Variants in LLGL2 observed in about 807,000 individuals in gnomAD.
The protein encoded by LLGL2 is LLGL2, scribble cell polarity complex component.
Under a neutral mutation model 123.2 loss-of-function variants are expected in LLGL2, and 81 were observed. The ratio of observed to expected loss-of-function variants is 0.66; its 90% confidence interval spans 0.55 to 0.79. The LOEUF (loss-of-function observed/expected upper bound fraction) is 0.79. LLGL2 is among the 30% of genes least tolerant of loss of function. LLGL2 has a pLI of 0.00. For missense variants in LLGL2, 1,273 were observed against 1,414.6 expected (o/e 0.90, Z 1.61); for synonymous variants, 577 against 594.1 (o/e 0.97, Z 0.42).
intron 10 of LLGL2, among the ~76,000 whole-genome samples, chr17:75,565,375 G>T (rs1413917997): frequency 6.6e-6 from 1 of 152,232 alleles, no homozygotes; most frequent in African/African-American, 2.4e-5. Flanking sequence ...AGGTGAGGGG[G>T]CGGGGCTGTT....
In LLGL2 at chr17:75,568,530, T is replaced by C. The variant is rs761140435; in HGVS notation, c.1091T>C (p.Ile364Thr). ...VVLAEEELVV[I>T]DLQTAGWPPV... ...CTGGCTGAGGAGGAGCTGGTGGTGA[T>C]TGACCTGCAGACAGCAGGCTGGCCA... Residue 364 changes from isoleucine (I) to threonine (T), a missense_variant, in exon 11 of 26, where the codon ATT becomes ACT. Physicochemically the swap from Ile to Thr is moderately conservative, Grantham distance 89. Transcript: ENST00000392550. 2.5e-6 allele frequency: 4 copies of C among 1,613,632 alleles called. No homozygotes were observed. The highest frequency in any genetic ancestry group is 2.2e-5 in the South Asian group (2 of 91,086).
At chr17:75,563,209 A>G (rs1054077535) in intron 7 of LLGL2, 31 bp downstream of exon 7, 1 of 1,611,294 alleles carries the variant, frequency 6.2e-7, no homozygotes, top group Non-Finnish European at 8.5e-7. Flanking sequence ...GGCAGGCGCC[A>G]TGTTGCTCTC....
rs757246505 is a variant in LLGL2 at position 75,570,092 on chromosome 17, G to A, written c.1711G>A (p.Val571Met). The change falls in exon 15 of 26, where the codon GTG becomes ATG. Residue 571 changes from valine to methionine, a missense_variant. Coordinates refer to ENST00000392550, the MANE Select transcript of LLGL2 (RefSeq NM_001031803.2). ...GCGCCTGGCAGCCCGCTCAGGGCCC[G>A]TGCGCTTTGAGCCTGGCTTTCAGCC... ...HERLAARSGP[V>M]RFEPGFQPFV... 2.7e-5 allele frequency: 43 copies of A among 1,609,984 alleles called. No homozygotes were observed. The highest frequency in any genetic ancestry group is 4.5e-5 in the East Asian group (2 of 44,776).
chr17:75,568,878 GAT>G, intron 12 of LLGL2, 39 bp downstream of exon 12: 1 of 1,564,522 alleles, frequency 6.4e-7, no homozygotes, highest in Non-Finnish European at 8.7e-7. Context: ...TTCCCAGTAG[GAT>G]ATGTGGGGTG....
intron 1 of LLGL2, among the ~76,000 whole-genome samples, chr17:75,542,451 C>T (rs542986071): frequency 6.6e-6 from 1 of 152,124 alleles, no homozygotes; most frequent in East Asian, 1.9e-4. Flanking sequence ...CAAGGACGGG[C>T]CTTGCTGTCC....
At chr17:75,556,351 G>A (rs984913336) in intron 3 of LLGL2, among the ~76,000 whole-genome samples, 3 of 152,192 alleles carry the variant, frequency 2.0e-5, no homozygotes, top group African/African-American at 7.2e-5. Context: ...CATCCCTGGT[G>A]GGATGCGACC....
chr17:75,572,621 T>G (rs2147578203), intron 19 of LLGL2, among the ~76,000 whole-genome samples: 1 of 142,460 alleles, frequency 7.0e-6, no homozygotes, highest in Admixed American at 7.3e-5. Flanking sequence ...GCCGAGATTG[T>G]GCCACTGCCC....
chr17:75,536,864 G>T (rs950584618), intron 1 of LLGL2, among the ~76,000 whole-genome samples: 3 of 152,072 alleles, frequency 2.0e-5, no homozygotes, highest in African/African-American at 7.2e-5. Context: ...GTCTTTCTCT[G>T]TCACCCAGGC....
intron 2 of LLGL2, among the ~76,000 whole-genome samples, 184 bp from the exon 3 acceptor site, chr17:75,555,862 C>T (rs2054887090): frequency 6.6e-6 from 1 of 151,726 alleles, no homozygotes; most frequent in Non-Finnish European, 1.5e-5. Context: ...GGCAGAGTCA[C>T]AAAGGGACAG....
At chr17:75,555,355 C>G (rs938820024) in intron 2 of LLGL2, among the ~76,000 whole-genome samples, 2 of 149,206 alleles carry the variant, frequency 1.3e-5, no homozygotes, top group East Asian at 4.0e-4. Flanking sequence ...CTGCCGGGTT[C>G]GCACCATTCT....
In LLGL2 at chr17:75,574,973, C is replaced by G. The variant is rs2055907964; in HGVS notation, c.*95C>G. 1 of 1,573,424 alleles carries G rather than the reference C, an allele frequency of 6.4e-7. No individual in the cohort carries two copies. ...AACCGGAGAGGCCGGTGCACAGGGC[C>G]CCGCCAGGGGCTGGGGGCATCCCGG... On this transcript the variant is annotated 3_prime_UTR_variant, in exon 26 of 26. Transcript: ENST00000392550.
At chr17:75,574,536 C>G in intron 24 of LLGL2, 41 bp downstream of exon 24, 2 of 1,583,204 alleles carry the variant, frequency 1.3e-6, no homozygotes, top group Non-Finnish European at 1.7e-6. Flanking sequence ...GCCCGAGGCT[C>G]TGCCAGAGGG....
At chr17:75,540,595 G>A (rs992786953) in intron 1 of LLGL2, among the ~76,000 whole-genome samples, 1 of 152,236 alleles carries the variant, frequency 6.6e-6, no homozygotes, top group Admixed American at 6.5e-5. Flanking sequence ...CTGGGAGCGT[G>A]TCTGTGCGTG....
chr17:75,541,715 C>CTTTTTTTTTTTTTTTTTTTTT lies in LLGL2; in HGVS notation c.-30-1671_-30-1651dup. Reference sequence around the variant, plus strand: ...TTCACTCAAGGGGGATGTGGCTCTGCTTTTTTTTTTTTTTTTTTTTTTTTT... The same window carrying CTTTTTTTTTTTTTTTTTTTTT: ...TTCACTCAAGGGGGATGTGGCTCTGCTTTTTTTTTTTTTTTTTTTTTTTTTTTTTTTTTTTTTTTTTTTTTT... On this transcript the variant is annotated intron_variant, in intron 1 of 25. Coordinates refer to ENST00000392550, the MANE Select transcript of LLGL2 (RefSeq NM_001031803.2). Among the ~76,000 whole-genome samples the CTTTTTTTTTTTTTTTTTTTTT allele has an allele frequency of 6.3e-5, 2 of 31,544 alleles. 1 individual carries two copies. The allele number at this position is 31,544 out of a possible 152,430, so 20.7% of individuals were successfully genotyped here.
At chr17:75,557,995 T>TCCTC in intron 3 of LLGL2, 160 bp from the exon 4 acceptor site, 1 of 769,122 alleles carries the variant, frequency 1.3e-6, no homozygotes, top group South Asian at 1.4e-5. Flanking sequence ...CTGCTGTGTC[T>TCCTC]CCTCCCCACC....
At position 75,549,572 on chromosome 17, in the gene LLGL2, C is replaced by CA. The variant is rs1230623743; in HGVS notation, c.75+6072dup. On this transcript the variant is annotated intron_variant, in intron 2 of 25. Coordinates refer to ENST00000392550, the MANE Select transcript of LLGL2 (RefSeq NM_001031803.2). The surrounding 1 kb of genome is among the most constrained non-coding windows in gnomAD (Gnocchi z 4.0). The stretch of plus-strand genomic sequence containing the variant: ...TGGCTGGGCCCCTGGTGTCAGGTGA[C>CA]AGCAGCCACACAGGGAGGGCCAGGC... Among the ~76,000 whole-genome samples, 4 of 152,184 alleles carry CA rather than the reference C, an allele frequency of 2.6e-5. No individual in the cohort carries two copies. The highest frequency in any genetic ancestry group is 9.7e-5 in the African/African-American group (4 of 41,432).
chr17:75,557,924 G>A (rs1198613167), intron 3 of LLGL2: 13 of 596,794 alleles, frequency 2.2e-5, no homozygotes, highest in African/African-American at 3.8e-5. Context: ...TGCTCCCACC[G>A]GCCTGACTGG....
intron 12 of LLGL2, 47 bp from the exon 13 acceptor site, chr17:75,568,931 C>G: frequency 6.3e-7 from 1 of 1,586,492 alleles, no homozygotes. Flanking sequence ...CCCTGGGCAT[C>G]CCGGCTGGCA....
intron 14 of LLGL2, 53 bp downstream of exon 14, chr17:75,569,378 G>A: frequency 1.4e-6 from 2 of 1,406,500 alleles, no homozygotes; most frequent in South Asian, 1.2e-5. Flanking sequence ...CGATGACTGG[G>A]GACAGCAGGG....
Sources: allele counts gnomAD v4.1 joint callset (sites outside exome capture counted in the v4.1 genomes callset), GRCh38; gene constraint gnomAD v4.1.1; non-coding constraint Gnocchi (gnomAD v3.1); transcripts MANE v1.5; gene names NCBI Gene and HGNC (gene_info 2026-07-23, HGNC 2026-07-21).